Variants in MAGI2 observed in about 807,000 individuals in gnomAD.
MAGI2 encodes the protein membrane-associated guanylate kinase, WW and PDZ domain-containing protein 2.
A neutral mutation model predicts 133.3 loss-of-function variants in MAGI2; 35 were observed. The ratio of observed to expected loss-of-function variants is 0.26; its 90% CI spans 0.20 to 0.35. The LOEUF (loss-of-function observed/expected upper bound fraction) is 0.35, where lower values mean the gene tolerates loss of function less well. Ranked by LOEUF, MAGI2 falls within the 10% of genes least tolerant of loss-of-function variation. The probability of loss-of-function intolerance (pLI) is 1.00; values close to 1 mark genes in which losing one functional copy is unlikely to be tolerated. For synonymous variants in MAGI2, 729 were observed against 710.6 expected, an observed-to-expected ratio of 1.03 and a Z score of -0.41; for missense variants, 1,636 against 1,863.4, an observed-to-expected ratio of 0.88 and a Z score of 2.25.
chr7:78,707,738 G>A (rs557158471), intron 2 of MAGI2, among the ~76,000 whole-genome samples: 3 of 151,998 alleles, frequency 2.0e-5, no homozygotes, highest in Admixed American at 2.0e-4. Flanking sequence ...ATCTTTTTGT[G>A]TTTATTGCTT....
intron 2 of MAGI2, among the ~76,000 whole-genome samples, chr7:78,630,347 T>C (rs746872930): frequency 6.6e-6 from 1 of 152,060 alleles, no homozygotes; most frequent in Non-Finnish European, 1.5e-5. Flanking sequence ...GTGAAGTGTT[T>C]ACATTATTAA....
chr7:78,587,902 G>A (rs1803590434), intron 3 of MAGI2, among the ~76,000 whole-genome samples: 2 of 152,178 alleles, frequency 1.3e-5, no homozygotes. Flanking sequence ...GGTTACAGAT[G>A]AACAAAATGG....
chr7:79,087,777 G>C (rs953758816), intron 1 of MAGI2, among the ~76,000 whole-genome samples: 1 of 151,996 alleles, frequency 6.6e-6, no homozygotes, highest in South Asian at 2.1e-4. Flanking sequence ...GCTTGTTTTT[G>C]TCAGGTTTGT....
intron 1 of MAGI2, among the ~76,000 whole-genome samples, chr7:79,050,492 C>T (rs1393567539): frequency 6.6e-6 from 1 of 152,148 alleles, no homozygotes; most frequent in Non-Finnish European, 1.5e-5. Context: ...AAGCGATCCT[C>T]CTGCCACATC....
intron 2 of MAGI2, among the ~76,000 whole-genome samples, chr7:78,680,861 G>C (rs1202420046): frequency 1.3e-5 from 2 of 152,110 alleles, no homozygotes; most frequent in Non-Finnish European, 2.9e-5. Flanking sequence ...ATGCCTGAGA[G>C]GGCTGGGATA....
chr7:78,858,836 G>C (rs940465723), intron 2 of MAGI2, among the ~76,000 whole-genome samples: 11 of 152,144 alleles, frequency 7.2e-5, no homozygotes, highest in African/African-American at 2.7e-4. Context: ...TGACAGTGGG[G>C]TGTTAAAGTC....
chr7:78,376,465 A>C (rs1287122571), intron 6 of MAGI2, among the ~76,000 whole-genome samples: 1 of 152,144 alleles, frequency 6.6e-6, no homozygotes, highest in East Asian at 1.9e-4. Context: ...TATGTAATTC[A>C]TATTATCAAG....
chr7:78,245,492 G>A (rs1307658081), intron 10 of MAGI2, among the ~76,000 whole-genome samples: 1 of 152,134 alleles, frequency 6.6e-6, no homozygotes, highest in Non-Finnish European at 1.5e-5. Flanking sequence ...CAACAGATAA[G>A]TAATTACATT....
rs184501621 is a variant in MAGI2 at position 78,332,566 on chromosome 7, C to T, written c.1408+11212G>A. ...AGAAAAAATTAGTCTGGTGTTGTGG[C>T]GGGCGCCTGTAGTCCCAGCTACTCA... is the stretch of plus-strand genomic sequence containing the variant. On this transcript the variant is annotated intron_variant, in intron 9 of 21. Transcript: ENST00000354212. Among the ~76,000 whole-genome samples the T allele has an allele frequency of 6.1e-4, 93 of 152,042 alleles. No homozygotes were observed. The East Asian group carries it at 6.8e-3, about 11-fold the overall frequency.
intron 2 of MAGI2, among the ~76,000 whole-genome samples, chr7:78,955,791 T>C (rs1212225430): frequency 7.9e-6 from 1 of 126,288 alleles, no homozygotes; most frequent in African/African-American, 3.0e-5. Context: ...CTTTCTTTCA[T>C]TTCTTTCGTT....
At chr7:78,535,121 G>A (rs1797778576) in intron 3 of MAGI2, among the ~76,000 whole-genome samples, 1 of 152,062 alleles carries the variant, frequency 6.6e-6, no homozygotes, top group Admixed American at 6.5e-5. Flanking sequence ...GACAGAGCGA[G>A]ACTCCATCTC....
At chr7:78,944,925 G>C (rs2151688721) in intron 2 of MAGI2, among the ~76,000 whole-genome samples, 1 of 152,096 alleles carries the variant, frequency 6.6e-6, no homozygotes. Flanking sequence ...TTTTTGTAGA[G>C]ATGGGGTTTC....
At chr7:78,481,262 A>G (rs1378007733) in intron 6 of MAGI2, among the ~76,000 whole-genome samples, 4 of 151,970 alleles carry the variant, frequency 2.6e-5, no homozygotes, top group African/African-American at 9.7e-5. Context: ...AAAACTTATA[A>G]TCATGGCAGA....
intron 6 of MAGI2, among the ~76,000 whole-genome samples, chr7:78,412,080 A>G (rs1797922976): frequency 6.6e-6 from 1 of 152,058 alleles, no homozygotes; most frequent in Admixed American, 6.6e-5. Flanking sequence ...TAATATGTTT[A>G]TCGCTTTCAA....
chr7:78,948,994 C>CTTTTTT (rs1221620502), intron 2 of MAGI2, among the ~76,000 whole-genome samples: 3 of 151,734 alleles, frequency 2.0e-5, no homozygotes, highest in Admixed American at 2.0e-4. Flanking sequence ...CAATCAGTCA[C>CTTTTTT]AAAGAAAGTT....
chr7:78,129,586 A>G (rs1821335395), intron 18 of MAGI2, among the ~76,000 whole-genome samples: 1 of 152,222 alleles, frequency 6.6e-6, no homozygotes, highest in South Asian at 2.1e-4. Context: ...TTTTTGTGGT[A>G]TGAAAAAGTT....
intron 7 of MAGI2, among the ~76,000 whole-genome samples, chr7:78,362,415 T>A (rs942787486): frequency 2.0e-5 from 3 of 152,024 alleles, no homozygotes; most frequent in African/African-American, 7.2e-5. Context: ...TTTTCATGAG[T>A]GAGTAGTACA....
intron 2 of MAGI2, among the ~76,000 whole-genome samples, chr7:78,991,242 TA>T (rs938065963): frequency 6.6e-6 from 1 of 151,324 alleles, no homozygotes; most frequent in Non-Finnish European, 1.5e-5. Flanking sequence ...GTGAGTCAAC[TA>T]AACCTTTCTT....
chr7:79,324,349 A>G (rs1259564065), intron 1 of MAGI2, among the ~76,000 whole-genome samples: 2 of 149,340 alleles, frequency 1.3e-5, no homozygotes, highest in African/African-American at 4.9e-5. Flanking sequence ...CAATTTATGT[A>G]TGTATGTATG....
Sources: gnomAD v4.1 joint callset for allele counts (sites outside exome capture counted in the v4.1 genomes callset) on GRCh38, gnomAD v4.1.1 for gene constraint, MANE v1.5 for transcripts, NCBI Gene and HGNC (gene_info 2026-07-23, HGNC 2026-07-21) for gene names.